CSMD3: variants seen among roughly 807,000 people sequenced by gnomAD.
CSMD3 encodes CUB and Sushi multiple domains 3, also known as CUB and sushi domain-containing protein 3.
CSMD3 carries 177 observed loss-of-function variants against 435.2 expected under a neutral mutation model. The ratio of observed to expected loss-of-function variants is 0.41; its 90% CI spans 0.36 to 0.46. CSMD3 has a LOEUF of 0.46. CSMD3 is among the 20% of genes least tolerant of loss of function. The pLI is 0.34. For missense variants in CSMD3, 4,265 were observed against 4,504.6 expected (o/e 0.95, Z 1.52); for synonymous variants, 1,656 against 1,520.5 (o/e 1.09, Z -2.07).
chr8:112,391,910 T>C (rs17559706), intron 35 of CSMD3, among the ~76,000 whole-genome samples: 3,934 of 152,232 alleles, frequency 0.026, 79 homozygotes, highest in Non-Finnish European at 0.042. Flanking sequence ...CTCATGCCAT[T>C]AATAGAATCA....
At chr8:112,311,797 C>A (rs190375915) in intron 49 of CSMD3, among the ~76,000 whole-genome samples, 19 of 152,216 alleles carry the variant, frequency 1.2e-4, no homozygotes, top group African/African-American at 4.3e-4. Context: ...TTCATATGTA[C>A]TTTTGAGAAT....
Position 112,503,749 on chromosome 8 carries a change from T to C in CSMD3, c.5083+41A>G, listed in dbSNP as rs1822220072. On this transcript the variant is annotated intron_variant, in intron 30 of 70. Coordinates refer to ENST00000297405, the MANE Select transcript of CSMD3 (RefSeq NM_198123.2). The stretch of plus-strand genomic sequence containing the variant: ...ATTATTCTCCTGTATAAAATATCTA[T>C]AATTTAAATCATGATACTAACATGG... 4 of 1,418,404 alleles carry C rather than the reference T, an allele frequency of 2.8e-6. No homozygotes were observed. In the African/African-American group the frequency reaches 4.2e-5, roughly 15 times the overall value. 87.9% of individuals were successfully genotyped at this position (1,418,404 alleles called of 1,614,324 possible). A position where few individuals can be genotyped will look rare whatever the true frequency, so the allele number is the denominator to read the frequency against.
At chr8:112,462,380 T>G (rs1482134932) in intron 32 of CSMD3, among the ~76,000 whole-genome samples, 1 of 152,210 alleles carries the variant, frequency 6.6e-6, no homozygotes, top group African/African-American at 2.4e-5. Context: ...TTGTAAAATG[T>G]CTAGCTTCAT....
chr8:113,393,185 A>G (rs1179844292), intron 1 of CSMD3, among the ~76,000 whole-genome samples: 1 of 151,914 alleles, frequency 6.6e-6, no homozygotes, highest in Non-Finnish European at 1.5e-5. Context: ...ATTACTGTAC[A>G]CCATAAAATA....
At chr8:113,146,491 T>C (rs1039999916) in intron 4 of CSMD3, among the ~76,000 whole-genome samples, 1 of 151,604 alleles carries the variant, frequency 6.6e-6, no homozygotes, top group Admixed American at 6.6e-5. Flanking sequence ...AACTGGAATA[T>C]ATGAACAATG....
Position 112,337,709 on chromosome 8 carries a change from A to G in CSMD3, c.6675T>C (p.Pro2225=), listed in dbSNP as rs368845245. The stretch of plus-strand genomic sequence containing the variant: ...AACCATTTCGAAACGGGCGTGGATC[A>G]GGACAGCTTTGCAACTGATAGGCTG... The part of the protein sequence containing the change: ...VYQAYQLQSC[P]DPRPFRNGFV... The change falls in exon 43 of 71, where the codon CCT becomes CCC. Residue 2225 remains proline (P), a synonymous_variant. Coordinates refer to ENST00000297405, the MANE Select transcript of CSMD3 (RefSeq NM_198123.2). 1.9e-6 allele frequency: 3 copies of G among 1,613,258 alleles called. No homozygotes were observed. The highest frequency in any genetic ancestry group is 2.7e-5 in the African/African-American group (2 of 74,912).
chr8:113,248,429 C>T (rs2093298679), intron 3 of CSMD3, among the ~76,000 whole-genome samples: 1 of 124,758 alleles, frequency 8.0e-6, no homozygotes, highest in African/African-American at 3.0e-5. Flanking sequence ...ATATAATATA[C>T]ATTTGGAGGA....
In CSMD3 at chr8:112,587,218, C is replaced by T. The variant is rs1830803783; in HGVS notation, c.3733G>A (p.Ala1245Thr). 1 of 1,608,998 alleles carries T rather than the reference C, an allele frequency of 6.2e-7. No individual in the cohort carries two copies. The highest frequency in any genetic ancestry group is 8.5e-7 in the Non-Finnish European group (1 of 1,176,344). The change falls in exon 23 of 71, where the codon GCA becomes ACA. Residue 1245 changes from alanine to threonine, a missense_variant. Coordinates refer to ENST00000297405, the MANE Select transcript of CSMD3 (RefSeq NM_198123.2). Reference protein sequence around the residue: ...PRCVAECGASATNNEGILLSP... With the variant: ...PRCVAECGASTTNNEGILLSP... ...AGCAAAATTCCTTCATTATTCGTTGCAGATGCACCACATTCAGCTGCAGGT... is the reference window on the plus strand; with the variant it reads ...AGCAAAATTCCTTCATTATTCGTTGTAGATGCACCACATTCAGCTGCAGGT...
chr8:113,147,542 G>A (rs2091705099), intron 4 of CSMD3, among the ~76,000 whole-genome samples: 1 of 151,510 alleles, frequency 6.6e-6, no homozygotes, highest in Non-Finnish European at 1.5e-5. Flanking sequence ...ATGTGGTTCT[G>A]AACTCGCTTC....
intron 22 of CSMD3, among the ~76,000 whole-genome samples, chr8:112,604,849 A>C (rs1483624622): frequency 6.6e-6 from 1 of 152,170 alleles, no homozygotes; most frequent in Non-Finnish European, 1.5e-5. Context: ...TAAACAGACA[A>C]CCGACAGAAT....
intron 1 of CSMD3, among the ~76,000 whole-genome samples, chr8:113,333,118 A>G (rs539802718): frequency 2.6e-5 from 4 of 151,742 alleles, no homozygotes; most frequent in South Asian, 2.1e-4. Context: ...TCCATTTTCT[A>G]ATTGGATCAT....
chr8:112,759,722 A>G (rs985427356), intron 13 of CSMD3, among the ~76,000 whole-genome samples: 41 of 152,210 alleles, frequency 2.7e-4, no homozygotes, highest in African/African-American at 9.6e-4. Context: ...TCAAACTATT[A>G]TTGTAAAATG....
chr8:112,910,470 T>G (rs184281271), intron 10 of CSMD3, among the ~76,000 whole-genome samples: 1 of 151,910 alleles, frequency 6.6e-6, no homozygotes, highest in African/African-American at 2.4e-5. Context: ...ACAAAAACAT[T>G]ATACCTTCAT....
Position 112,247,039 on chromosome 8 carries a change from C to T in CSMD3, c.10203G>A (p.Gly3401=), listed in dbSNP as rs1814803135. 1 of 1,612,242 alleles carries T rather than the reference C, an allele frequency of 6.2e-7. No homozygotes were observed. Among genetic ancestry groups the T allele is most frequent in the South Asian group, 1.1e-5 (1 of 91,058 alleles). Residue 3401 remains glycine, a synonymous_variant, in exon 64 of 71, where the codon GGG becomes GGA. Transcript: ENST00000297405. ...RTCLPDLTWS[G]IQPECIPHSC... is the part of the protein sequence containing the mutation. ...ACTTACGTATGCATTCAGGCTGAAT[C>T]CCACTCCACGTAAGATCAGGGAGGC...
chr8:113,177,163 CTTG>C (rs916400855), intron 3 of CSMD3, among the ~76,000 whole-genome samples: 3 of 151,670 alleles, frequency 2.0e-5, no homozygotes, highest in African/African-American at 7.3e-5. Flanking sequence ...ACACATTATA[CTTG>C]TTATCTCAAT....
chr8:112,293,620 T>A, intron 54 of CSMD3, among the ~76,000 whole-genome samples: 1 of 152,256 alleles, frequency 6.6e-6, no homozygotes, highest in East Asian at 1.9e-4. Flanking sequence ...AATATAATTT[T>A]TCTTGGAAAT....
At chr8:113,113,800 A>C (rs2090739477) in intron 4 of CSMD3, among the ~76,000 whole-genome samples, 1 of 152,192 alleles carries the variant, frequency 6.6e-6, no homozygotes, top group Admixed American at 6.5e-5. Context: ...CCTCAAACTA[A>C]AATTCATGAA....
At chr8:112,461,832 A>T (rs1241797638) in intron 32 of CSMD3, among the ~76,000 whole-genome samples, 1 of 152,180 alleles carries the variant, frequency 6.6e-6, no homozygotes, top group African/African-American at 2.4e-5. Context: ...TTAAATTTAT[A>T]GTTATCTTTG....
chr8:113,390,417 C>T (rs1588648314), intron 1 of CSMD3, among the ~76,000 whole-genome samples: 2 of 151,772 alleles, frequency 1.3e-5, no homozygotes, highest in East Asian at 3.9e-4. Flanking sequence ...CCCAGGTATA[C>T]ATTTCCTCTG....
Sources: gnomAD v4.1 joint callset for allele counts (sites outside exome capture counted in the v4.1 genomes callset) on GRCh38, gnomAD v4.1.1 for gene constraint, MANE v1.5 for transcripts, NCBI Gene and HGNC (gene_info 2026-07-23, HGNC 2026-07-21) for gene names.